The following RFX3 variants were observed in gnomAD, a reference collection of about 807,000 sequenced individuals.
The protein encoded by RFX3 is regulatory factor X3.
A neutral mutation model predicts 98.6 loss-of-function variants in RFX3; 14 were observed. The ratio of observed to expected loss-of-function variants is 0.14; its 90% CI spans 0.09 to 0.22. The LOEUF is 0.22. Among genes scored for constraint, RFX3 ranks in the 10% least tolerant of loss-of-function variants. The pLI, the probability that RFX3 is intolerant of heterozygous loss-of-function variation, is 1.00. For synonymous variants in RFX3, 383 were observed against 328.4 expected, an observed-to-expected ratio of 1.17 and a Z score of -1.80; for missense variants, 639 against 926.9, an observed-to-expected ratio of 0.69 and a Z score of 4.03.
chr9:3,250,360 A>T (rs1391149203), intron 14 of RFX3, among the ~76,000 whole-genome samples: 1 of 152,074 alleles, frequency 6.6e-6, no homozygotes, highest in African/African-American at 2.4e-5. Flanking sequence ...AATGCCTAAC[A>T]AACATACAAA....
intron 1 of RFX3, among the ~76,000 whole-genome samples, chr9:3,484,472 A>T (rs1050317893): frequency 6.6e-6 from 1 of 152,212 alleles, no homozygotes; most frequent in Non-Finnish European, 1.5e-5. Context: ...TACGCTAATC[A>T]AAATAAAACA....
intron 1 of RFX3, among the ~76,000 whole-genome samples, chr9:3,405,109 C>T (rs1564056947): frequency 6.6e-6 from 1 of 152,112 alleles, no homozygotes; most frequent in Non-Finnish European, 1.5e-5. Flanking sequence ...TTCCTCCTTG[C>T]CTTCCAAGAC....
chr9:3,394,396 G>A (rs1391954003), intron 2 of RFX3, among the ~76,000 whole-genome samples: 3 of 152,218 alleles, frequency 2.0e-5, no homozygotes, highest in Non-Finnish European at 4.4e-5. Context: ...CCGGGAGGCA[G>A]AGCTTGCGGT....
intron 6 of RFX3, among the ~76,000 whole-genome samples, chr9:3,292,077 A>C (rs1341185235): frequency 9.2e-5 from 13 of 141,378 alleles, no homozygotes; most frequent in African/African-American, 2.8e-4. Flanking sequence ...AAAAAAAAAA[A>C]AAAAAAAAAA....
intron 3 of RFX3, among the ~76,000 whole-genome samples, chr9:3,339,909 G>T (rs899097614): frequency 6.6e-6 from 1 of 151,888 alleles, no homozygotes; most frequent in Non-Finnish European, 1.5e-5. Flanking sequence ...CTACTTTAAA[G>T]TTCATATGGA....
intron 1 of RFX3, among the ~76,000 whole-genome samples, chr9:3,397,649 CT>C (rs1261905905): frequency 1.3e-5 from 2 of 152,134 alleles, no homozygotes; most frequent in African/African-American, 4.8e-5. Context: ...CACTTTGACT[CT>C]GTGCTTAATT....
rs528662639 is a variant in RFX3 at position 3,224,873 on chromosome 9, A to G, written c.*169T>C. On this transcript the variant is annotated 3_prime_UTR_variant, in exon 17 of 17. Coordinates refer to ENST00000617270, the MANE Select transcript of RFX3 (RefSeq NM_001282116.2). ...GCAAATAATTTGTTTACGTTAAAAA[A>G]AAAGATCTGGCAAAATACATACACC... 5.2e-6 allele frequency: 3 copies of G among 573,748 alleles called. No individual in the cohort carries two copies. The highest frequency in any genetic ancestry group is 3.4e-5 in the Admixed American group (1 of 29,788). 35.5% of individuals were successfully genotyped at this position (573,748 alleles called of 1,614,324 possible).
At chr9:3,337,381 A>G (rs1206322626) in intron 3 of RFX3, among the ~76,000 whole-genome samples, 1 of 152,206 alleles carries the variant, frequency 6.6e-6, no homozygotes, top group Non-Finnish European at 1.5e-5. Flanking sequence ...AGAGCACAAG[A>G]GGTGCATTTG....
At chr9:3,429,944 A>C (rs1228931773) in intron 1 of RFX3, among the ~76,000 whole-genome samples, 2 of 152,180 alleles carry the variant, frequency 1.3e-5, no homozygotes, top group Non-Finnish European at 2.9e-5. Flanking sequence ...CCAAGATAAT[A>C]ATCCCATTGA....
intron 1 of RFX3, among the ~76,000 whole-genome samples, chr9:3,511,351 C>T (rs1234832242): frequency 6.6e-6 from 1 of 151,774 alleles, no homozygotes; most frequent in Non-Finnish European, 1.5e-5. Context: ...ACATGAATAA[C>T]GATTTTTTTT....
intron 1 of RFX3, among the ~76,000 whole-genome samples, chr9:3,424,939 T>C (rs951380622): frequency 1.3e-5 from 2 of 152,104 alleles, no homozygotes; most frequent in Admixed American, 1.3e-4. Context: ...TAAGAAATGA[T>C]TTTTTGTTGG....
In RFX3 at chr9:3,349,040, T is replaced by C. The variant is rs749423265; in HGVS notation, c.118-2276A>G. ...CTAGGATGCTATTCATATTTCTAGG[T>C]CTTTTCATTGAACCAAGCTAGAAAT... On this transcript the variant is annotated intron_variant, in intron 2 of 16. Transcript: ENST00000617270. Among the ~76,000 whole-genome samples the C allele has an allele frequency of 1.2e-4, 19 of 152,262 alleles. No homozygotes were observed. The East Asian group carries it at 3.5e-3, about 28-fold the overall frequency.
intron 11 of RFX3, among the ~76,000 whole-genome samples, chr9:3,267,530 T>A (rs570663296): frequency 6.6e-6 from 1 of 151,916 alleles, no homozygotes; most frequent in Non-Finnish European, 1.5e-5. Context: ...GACAACTAAA[T>A]GTGTTTTTAA....
intron 4 of RFX3, among the ~76,000 whole-genome samples, chr9:3,327,135 T>C (rs1832013588): frequency 6.6e-6 from 1 of 152,040 alleles, no homozygotes; most frequent in Non-Finnish European, 1.5e-5. Context: ...TTTCTCTGAT[T>C]CTACAGTAAA....
intron 1 of RFX3, among the ~76,000 whole-genome samples, chr9:3,436,498 G>A (rs1208929310): frequency 6.6e-6 from 1 of 152,002 alleles, no homozygotes; most frequent in Non-Finnish European, 1.5e-5. Flanking sequence ...CAACAGATAA[G>A]AGTATTTATG....
chr9:3,389,948 G>C (rs762861082), intron 2 of RFX3, among the ~76,000 whole-genome samples: 21 of 152,078 alleles, frequency 1.4e-4, no homozygotes, highest in Non-Finnish European at 2.8e-4. Context: ...TATTGTCTAA[G>C]AAAGTGTGAC....
In RFX3 at chr9:3,463,940, T is replaced by C. The variant is rs1258849641; in HGVS notation, c.-9+61807A>G. On this transcript the variant is annotated intron_variant, in intron 1 of 16. Coordinates refer to ENST00000617270, the MANE Select transcript of RFX3 (RefSeq NM_001282116.2). ...GGGAGCTGTGATCATGCCACTGCAC[T>C]CCTGCCTTCATAAATAAAAATGAAA... Among the ~76,000 whole-genome samples the C allele has an allele frequency of 5.9e-5, 9 of 152,134 alleles. No homozygotes were observed. In the East Asian group the frequency reaches 1.7e-3, roughly 29 times the overall value.
intron 1 of RFX3, among the ~76,000 whole-genome samples, chr9:3,470,401 G>A (rs1316628441): frequency 2.0e-5 from 3 of 150,194 alleles, no homozygotes; most frequent in South Asian, 2.1e-4. Flanking sequence ...TACAAGCTCC[G>A]CCTACCGGGT....
intron 13 of RFX3, among the ~76,000 whole-genome samples, chr9:3,259,832 T>G (rs1822632090): frequency 6.6e-6 from 1 of 152,124 alleles, no homozygotes; most frequent in African/African-American, 2.4e-5. Context: ...AGGAACTTTT[T>G]AGCACTTTCA....
Sources: gnomAD v4.1 joint callset for allele counts (sites outside exome capture counted in the v4.1 genomes callset) on GRCh38, gnomAD v4.1.1 for gene constraint, MANE v1.5 for transcripts, NCBI Gene and HGNC (gene_info 2026-07-23, HGNC 2026-07-21) for gene names.